The following TFRC variants were observed in gnomAD, a reference collection of about 807,000 sequenced individuals.
The protein encoded by TFRC is transferrin receptor, also known as transferrin receptor protein 1.
In TFRC, 35 loss-of-function variants were observed where a neutral mutation model predicts 85.8. The ratio of observed to expected loss-of-function variants is 0.41; its 90% CI spans 0.31 to 0.54. The LOEUF (loss-of-function observed/expected upper bound fraction) is 0.54, where lower values mean the gene tolerates loss of function less well. Among genes scored for constraint, TFRC ranks in the 20% least tolerant of loss-of-function variants. The pLI is 0.31. For missense variants in TFRC, 828 were observed against 921.5 expected, an observed-to-expected ratio of 0.90 and a Z score of 1.31; for synonymous variants, 362 against 328.6, an observed-to-expected ratio of 1.10 and a Z score of -1.10.
chr3:196,060,936 T>G (rs878934539), intron 13 of TFRC, among the ~76,000 whole-genome samples: 12 of 152,070 alleles, frequency 7.9e-5, no homozygotes, highest in Admixed American at 7.9e-4. Context: ...ATTTCATGTT[T>G]AACTTTCTGG....
intron 13 of TFRC, among the ~76,000 whole-genome samples, chr3:196,061,836 T>C (rs141080959): frequency 6.6e-6 from 1 of 152,264 alleles, no homozygotes; most frequent in African/African-American, 2.4e-5. Context: ...GACTCAAAGG[T>C]CTGGGGTAGA....
At chr3:196,061,439 A>C (rs1247132768) in intron 13 of TFRC, among the ~76,000 whole-genome samples, 1 of 152,162 alleles carries the variant, frequency 6.6e-6, no homozygotes, top group Non-Finnish European at 1.5e-5. Context: ...TTTGTCCTTA[A>C]GAAAATAATA....
At chr3:196,065,999 C>A (rs3789135) in intron 9 of TFRC, among the ~76,000 whole-genome samples, 67,322 of 147,912 alleles carry the variant, frequency 0.46, 17,256 homozygotes, top group Non-Finnish European at 0.6. Flanking sequence ...CAAAAAAAAA[C>A]AAAACAAAAC....
chr3:196,065,421 G>T (rs764397004), intron 10 of TFRC, 22 bp downstream of exon 10: 6 of 219,746 alleles, frequency 2.7e-5, no homozygotes, highest in East Asian at 1.7e-4. Flanking sequence ...GCGGGGCGGG[G>T]GGGGGGGGGG....
chr3:196,060,287 C>A, intron 13 of TFRC, 40 bp from the exon 14 acceptor site: 1 of 1,547,040 alleles, frequency 6.5e-7, no homozygotes, highest in South Asian at 1.1e-5. Flanking sequence ...TTCTCCATTC[C>A]GATAATTTTC....
At chr3:196,063,016 G>T in intron 11 of TFRC, 77 bp from the exon 12 acceptor site, 2 of 1,142,054 alleles carry the variant, frequency 1.8e-6, no homozygotes, top group Non-Finnish European at 2.6e-6. Flanking sequence ...CACTTAAGAT[G>T]AATCAGAAGG....
chr3:196,056,853 G>A (rs1407756253), intron 16 of TFRC, among the ~76,000 whole-genome samples: 1 of 150,826 alleles, frequency 6.6e-6, no homozygotes, highest in Non-Finnish European at 1.5e-5. Flanking sequence ...ACAGGGTCTT[G>A]CTCTGTCACC....
intron 6 of TFRC, among the ~76,000 whole-genome samples, chr3:196,070,368 G>A (rs1391610819): frequency 2.0e-5 from 3 of 151,480 alleles, no homozygotes; most frequent in African/African-American, 4.9e-5. Flanking sequence ...GGCTTCAAGC[G>A]ATTCTCCTGC....
At chr3:196,070,090 G>C (rs1229788868) in intron 6 of TFRC, among the ~76,000 whole-genome samples, 1 of 152,008 alleles carries the variant, frequency 6.6e-6, no homozygotes, top group African/African-American at 2.4e-5. Context: ...GCTTGAAGTT[G>C]AACAAAAATC....
chr3:196,066,347 C>T (rs191325799), intron 9 of TFRC, among the ~76,000 whole-genome samples: 3 of 152,214 alleles, frequency 2.0e-5, no homozygotes, highest in Admixed American at 2.0e-4. Context: ...AATCCCAGCA[C>T]TTTGGAAGGC....
chr3:196,077,976 AC>A (rs1476316483), intron 1 of TFRC, among the ~76,000 whole-genome samples: 3 of 152,224 alleles, frequency 2.0e-5, no homozygotes, highest in Non-Finnish European at 4.4e-5. Context: ...TATTAGAGAA[AC>A]TAAGTGGCCT....
intron 1 of TFRC, among the ~76,000 whole-genome samples, chr3:196,081,409 G>C (rs539081224): frequency 3.9e-5 from 6 of 152,334 alleles, no homozygotes; most frequent in Admixed American, 1.3e-4. Context: ...CCTGTAACAC[G>C]CTAGTAACCG....
In TFRC at chr3:196,052,292, CTTTTTTTTT is replaced by C. The variant is rs529214594; in HGVS notation, c.2041-117_2041-109del. The C allele has an allele frequency of 3.9e-3, 2,132 of 547,906 alleles. 38 individuals are homozygous for C. The African/African-American group carries it at 0.044, about 11-fold the overall frequency. The allele number at this position is 547,906 out of a possible 1,614,324, so 33.9% of individuals were successfully genotyped here. A position where few individuals can be genotyped will look rare whatever the true frequency, so the allele number is the denominator to read the frequency against. On this transcript the variant is annotated intron_variant, in intron 18 of 18. Coordinates refer to ENST00000360110, the MANE Select transcript of TFRC (RefSeq NM_001128148.3). ...CCCAAATTTAAGAATGCCGATCAGACTTTTTTTTTTTTTTTTTTTTTTTGACACAGAGTT... is the reference window on the plus strand; with the variant it reads ...CCCAAATTTAAGAATGCCGATCAGACTTTTTTTTTTTTTTGACACAGAGTT...
chr3:196,058,505 T>C, intron 15 of TFRC, 69 bp downstream of exon 15: 1 of 1,516,154 alleles, frequency 6.6e-7, no homozygotes, highest in Admixed American at 1.8e-5. Context: ...CAGATTTAGA[T>C]TCTACCTAAT....
At position 196,050,650 on chromosome 3, in the gene TFRC, T is replaced by TA. The variant is rs1001058921; in HGVS notation, c.*1291dup. On this transcript the variant is annotated 3_prime_UTR_variant, in exon 19 of 19. Coordinates refer to ENST00000360110, the MANE Select transcript of TFRC (RefSeq NM_001128148.3). ...ACTGGAAATTTTGCAAAATGGGAAT[T>TA]AGAGTTACACCTTGGATAAACTGAG... The TA allele has an allele frequency of 2.0e-5, 4 of 202,804 alleles. No homozygotes were observed. Among genetic ancestry groups the TA allele is most frequent in the African/African-American group, 4.6e-5 (2 of 43,632 alleles). 12.6% of individuals were successfully genotyped at this position (202,804 alleles called of 1,614,324 possible).
intron 17 of TFRC, among the ~76,000 whole-genome samples, chr3:196,053,998 A>G (rs1716562058): frequency 6.6e-6 from 1 of 152,098 alleles, no homozygotes; most frequent in African/African-American, 2.4e-5. Flanking sequence ...GCACTTTGGG[A>G]GGCCGAGGTG....
intron 17 of TFRC, among the ~76,000 whole-genome samples, chr3:196,054,648 C>T (rs1457038288): frequency 2.6e-5 from 4 of 152,226 alleles, no homozygotes; most frequent in African/African-American, 9.6e-5. Context: ...TATGCACCAC[C>T]TCACCCTGCT....
rs199916763 is a variant in TFRC at position 196,068,056 on chromosome 3, G to A, written c.876C>T (p.Asn292=). 5.8e-5 allele frequency: 94 copies of A among 1,613,008 alleles called. No homozygotes were observed. The Middle Eastern group carries it at 9.9e-4, about 17-fold the overall frequency. ...CATGTCCAAAGAATGAAAGTTCTGC[G>A]TTAACAATGGGAAATTTAGTCTGGT... ...YMDQTKFPIV[N]AELSFFGHAH... The change falls in exon 8 of 19, where the codon AAC becomes AAT. Residue 292 remains asparagine, a synonymous_variant. Coordinates refer to ENST00000360110, the MANE Select transcript of TFRC (RefSeq NM_001128148.3).
At chr3:196,052,993 A>T (rs1716463368) in intron 18 of TFRC, among the ~76,000 whole-genome samples, 1 of 152,068 alleles carries the variant, frequency 6.6e-6, no homozygotes, top group Admixed American at 6.6e-5. Flanking sequence ...GGGCACCTGT[A>T]ATCACAGCAA....
Sources: gnomAD v4.1 joint callset for allele counts (sites outside exome capture counted in the v4.1 genomes callset) on GRCh38, gnomAD v4.1.1 for gene constraint, MANE v1.5 for transcripts, NCBI Gene and HGNC (gene_info 2026-07-23, HGNC 2026-07-21) for gene names.